The following LINGO2 variants were observed in gnomAD, a reference collection of about 807,000 sequenced individuals.
LINGO2 encodes the protein leucine-rich repeat and immunoglobulin-like domain-containing nogo receptor-interacting protein 2.
Under a neutral mutation model 30.6 loss-of-function variants are expected in LINGO2, and 14 were observed. The observed-to-expected ratio is 0.46, with a 90% CI of 0.30 to 0.72. The LOEUF (loss-of-function observed/expected upper bound fraction) is 0.72, where lower values mean the gene tolerates loss of function less well. LINGO2 is among the 30% of genes least tolerant of loss of function. The pLI is 0.07. For missense variants in LINGO2, 729 were observed against 751.7 expected, an observed-to-expected ratio of 0.97 and a Z score of 0.35; for synonymous variants, 317 against 288.5, an observed-to-expected ratio of 1.10 and a Z score of -1.00.
the LINGO2 span, among the ~76,000 whole-genome samples, chr9:29,153,986 C>T: frequency 6.6e-6 from 1 of 152,158 alleles, no homozygotes; most frequent in Non-Finnish European, 1.5e-5. Flanking sequence ...AAACACACTT[C>T]TATTCAACTG....
At chr9:28,839,982 G>A in the LINGO2 span, among the ~76,000 whole-genome samples, 1 of 152,240 alleles carries the variant, frequency 6.6e-6, no homozygotes, top group East Asian at 1.9e-4. Flanking sequence ...CAGGAGGCTG[G>A]TGTGTCAACG....
At chr9:28,362,214 A>ATGTGTG (rs10631893) in intron 3 of LINGO2, among the ~76,000 whole-genome samples, 1 of 151,006 alleles carries the variant, frequency 6.6e-6, no homozygotes, top group African/African-American at 2.4e-5. Flanking sequence ...TTGTGTGTGT[A>ATGTGTG]TGTGTGTGTG....
At chr9:28,702,443 T>A in the LINGO2 span, among the ~76,000 whole-genome samples, 1 of 151,840 alleles carries the variant, frequency 6.6e-6, no homozygotes, top group African/African-American at 2.4e-5. Flanking sequence ...TTTTCAAATC[T>A]ATTACCTGGA....
At chr9:28,413,510 G>A (rs56798428) in intron 2 of LINGO2, among the ~76,000 whole-genome samples, 24,419 of 151,980 alleles carry the variant, frequency 0.16, 2,626 homozygotes, top group African/African-American at 0.3. Context: ...CTCCCTCTCA[G>A]TAGCTCTGTG....
chr9:28,232,916 A>C (rs1466230849), intron 4 of LINGO2, among the ~76,000 whole-genome samples: 1 of 151,280 alleles, frequency 6.6e-6, no homozygotes, highest in Non-Finnish European at 1.5e-5. Flanking sequence ...TCACCCATGC[A>C]TATGGGAAAT....
the LINGO2 span, among the ~76,000 whole-genome samples, chr9:28,970,605 A>G: frequency 1.3e-5 from 2 of 151,888 alleles, no homozygotes; most frequent in South Asian, 4.2e-4. Flanking sequence ...GAGGCATTGA[A>G]CTCTGGGCCG....
chr9:28,517,275 T>C (rs1473554968), intron 1 of LINGO2, among the ~76,000 whole-genome samples: 1 of 152,178 alleles, frequency 6.6e-6, no homozygotes, highest in East Asian at 1.9e-4. Flanking sequence ...GAGCCAGATC[T>C]TTAATATCAC....
In LINGO2 at chr9:28,040,415, C is replaced by T. The variant is rs566521407; in HGVS notation, c.-86-28010G>A. On this transcript the variant is annotated intron_variant, in intron 4 of 5. Coordinates refer to ENST00000379992, the Ensembl canonical transcript of LINGO2. ...AACTTTAAGTGGTTGTTCAAAAAGA[C>T]AGCTTGAAGTTTTTTTTTTTTTTTT... Among the ~76,000 whole-genome samples, 3 of 149,294 alleles carry T rather than the reference C, an allele frequency of 2.0e-5. No individual in the cohort carries two copies. In the East Asian group the frequency reaches 5.9e-4, roughly 30 times the overall value.
intron 4 of LINGO2, among the ~76,000 whole-genome samples, chr9:28,047,520 G>C (rs1049357374): frequency 6.6e-6 from 1 of 150,858 alleles, no homozygotes; most frequent in Non-Finnish European, 1.5e-5. Flanking sequence ...GCAGTTAAGA[G>C]CATGGCCTTC....
chr9:28,814,422 C>T, the LINGO2 span, among the ~76,000 whole-genome samples: 1 of 152,054 alleles, frequency 6.6e-6, no homozygotes, highest in Non-Finnish European at 1.5e-5. Context: ...GGCGACAGAG[C>T]GAGACTCCAT....
chr9:29,144,929 T>A, the LINGO2 span, among the ~76,000 whole-genome samples: 1 of 152,214 alleles, frequency 6.6e-6, no homozygotes, highest in Non-Finnish European at 1.5e-5. Context: ...TTATTGCTTT[T>A]TTTCATTTTT....
chr9:28,135,751 C>T (rs115874297), intron 4 of LINGO2, among the ~76,000 whole-genome samples: 1,554 of 152,246 alleles, frequency 0.01, 31 homozygotes, highest in African/African-American at 0.033. Flanking sequence ...CTTCCTGCAG[C>T]TGATGAGTCT....
intron 4 of LINGO2, among the ~76,000 whole-genome samples, chr9:28,170,266 A>T (rs1828545936): frequency 6.6e-6 from 1 of 152,238 alleles, no homozygotes; most frequent in Admixed American, 6.5e-5. Context: ...ACATTGTTCC[A>T]AGTAGCCTTA....
At chr9:28,787,159 G>T in the LINGO2 span, among the ~76,000 whole-genome samples, 1 of 152,162 alleles carries the variant, frequency 6.6e-6, no homozygotes, top group East Asian at 1.9e-4. Flanking sequence ...ACACTCGTTT[G>T]TGCAAGAACG....
chr9:28,473,586 G>T (rs1319348046), intron 2 of LINGO2, among the ~76,000 whole-genome samples: 1 of 152,004 alleles, frequency 6.6e-6, no homozygotes. Context: ...AGAGGGAGCA[G>T]AAAAAGTAAT....
chr9:28,196,933 T>A (rs1181837989), intron 4 of LINGO2, among the ~76,000 whole-genome samples: 2 of 151,890 alleles, frequency 1.3e-5, no homozygotes, highest in African/African-American at 4.8e-5. Flanking sequence ...GTGGAGATGA[T>A]TAATGGGTAC....
chr9:28,037,686 C>A (rs1203925270), intron 4 of LINGO2, among the ~76,000 whole-genome samples: 3 of 152,180 alleles, frequency 2.0e-5, no homozygotes, highest in Non-Finnish European at 2.9e-5. Flanking sequence ...GCCAGAATTG[C>A]CATGGAAGGG....
the LINGO2 span, among the ~76,000 whole-genome samples, chr9:28,725,953 G>A: frequency 2.6e-5 from 4 of 151,976 alleles, no homozygotes; most frequent in African/African-American, 9.7e-5. Context: ...GTTTTGGAAA[G>A]GTTAAATCCA....
chr9:28,233,598 C>T (rs1821451709), intron 4 of LINGO2, among the ~76,000 whole-genome samples: 1 of 152,152 alleles, frequency 6.6e-6, no homozygotes, highest in African/African-American at 2.4e-5. Flanking sequence ...TTTTAATTCT[C>T]ATTAAAAGTT....
Sources: gnomAD v4.1 joint callset for allele counts (sites outside exome capture counted in the v4.1 genomes callset) on GRCh38, gnomAD v4.1.1 for gene constraint, MANE v1.5 for transcripts, NCBI Gene and HGNC (gene_info 2026-07-23, HGNC 2026-07-21) for gene names.